Variants in TMEM74B observed in about 807,000 individuals in gnomAD.
TMEM74B encodes the protein transmembrane protein 74B, also known as transmembrane protein C20orf46.
In TMEM74B, 7 loss-of-function variants were observed where a neutral mutation model predicts 6.5. The ratio of observed to expected loss-of-function variants is 1.07; its 90% confidence interval spans 0.61 to 2.01. The LOEUF is 2.01. Ranked by LOEUF, TMEM74B falls within the 30% of genes most tolerant of loss-of-function variation. The probability of loss-of-function intolerance (pLI) is 0.00; values close to 1 mark genes in which losing one functional copy is unlikely to be tolerated. For synonymous variants in TMEM74B, 151 were observed against 151.6 expected (o/e 1.00, Z 0.03); for missense variants, 342 against 337.0 (o/e 1.01, Z -0.12).
In TMEM74B at chr20:1,181,511, C is replaced by T. The variant is rs780771805; in HGVS notation, c.108G>A (p.Leu36=). The T allele has an allele frequency of 4.7e-6, 7 of 1,501,224 alleles. No individual in the cohort carries two copies. The South Asian group carries it at 6.9e-5, about 15-fold the overall frequency. 93.0% of individuals were successfully genotyped at this position (1,501,224 alleles called of 1,614,324 possible). A position where few individuals can be genotyped will look rare whatever the true frequency, so the allele number is the denominator to read the frequency against. ...TCCTTGGGGCTTGGGGACCATTGCT[C>T]AGTGTCTTCAGTTCCAGACCAGGGG... is the stretch of plus-strand genomic sequence containing the variant. ...ASPPGLELKT[L]SNGPQAPRRS... is the part of the protein sequence containing the mutation. The change falls in exon 3 of 3, where the codon CTG becomes CTA. Residue 36 remains leucine, a synonymous_variant. Coordinates refer to ENST00000429036, the MANE Select transcript of TMEM74B (RefSeq NM_001304748.2). This position sits in a 1 kb window ranked among gnomAD's most constrained non-coding sequence, Gnocchi z 4.9.
At chr20:1,188,635 C>G (rs1422956996), upstream of TMEM74B, among the ~76,000 whole-genome samples, 1 of 147,582 alleles carries the variant, frequency 6.8e-6, no homozygotes, top group Non-Finnish European at 1.5e-5. Flanking sequence ...CACACATACA[C>G]TACCTACACA....
intron 2 of TMEM74B, among the ~76,000 whole-genome samples, chr20:1,183,159 G>C (rs1386975161): frequency 6.6e-6 from 1 of 152,176 alleles, no homozygotes; most frequent in Non-Finnish European, 1.5e-5. Flanking sequence ...ACAAGCCATG[G>C]GCTACAGAGA....
In TMEM74B at chr20:1,180,923, C is replaced by T. The variant is rs199693313; in HGVS notation, c.696G>A (p.Gly232=). The part of the protein sequence containing the change: ...SINLRMRQLN[G]DGGQALVENE... Reference sequence around the variant, plus strand: ...TCTCCACCAGGGCCTGGCCCCCATCCCCATTGAGCTGTCTCATGCGCAGGT... The same window carrying T: ...TCTCCACCAGGGCCTGGCCCCCATCTCCATTGAGCTGTCTCATGCGCAGGT... The change falls in exon 3 of 3, where the codon GGG becomes GGA. Residue 232 remains glycine, a synonymous_variant. Transcript: ENST00000429036. The surrounding 1 kb of genome is among the most constrained non-coding windows in gnomAD (Gnocchi z 6.1). 21 of 1,613,668 alleles carry T rather than the reference C, an allele frequency of 1.3e-5. No individual in the cohort carries two copies. Among genetic ancestry groups the T allele is most frequent in the Non-Finnish European group, 1.8e-5 (21 of 1,179,772 alleles).
In TMEM74B at chr20:1,181,207, C is replaced by A. The variant is rs745849810; in HGVS notation, c.412G>T (p.Val138Leu). Residue 138 changes from valine (V) to leucine (L), a missense_variant, in exon 3 of 3, where the codon GTG (valine) becomes TTG (leucine). Coordinates refer to ENST00000429036, the MANE Select transcript of TMEM74B (RefSeq NM_001304748.2). This position sits in a 1 kb window ranked among gnomAD's most constrained non-coding sequence, Gnocchi z 4.9. The part of the protein sequence containing the change: ...VFLVSGILLV[V>L]TAYAIPREAR... ...TCACGGGGGATGGCGTATGCTGTCA[C>A]CACCAGAAGAATCCCACTCACCAGG... is the stretch of plus-strand genomic sequence containing the variant. 4 of 1,614,166 alleles carry A rather than the reference C, an allele frequency of 2.5e-6. No homozygotes were observed. In the South Asian group the frequency reaches 4.4e-5, roughly 18 times the overall value.
rs1208320540 is a variant in TMEM74B at position 1,181,856 on chromosome 20, T to C, written c.32-269A>G. On this transcript the variant is annotated intron_variant, in intron 2 of 2. Coordinates refer to ENST00000429036, the MANE Select transcript of TMEM74B (RefSeq NM_001304748.2). The surrounding 1 kb of genome is among the most constrained non-coding windows in gnomAD (Gnocchi z 4.9). ...TTCCCCACCTATAAAATAATACTAC[T>C]ACTACCCTCTAGTTCGCAAAGCTGG... 6.6e-6 allele frequency among the ~76,000 whole-genome samples: 1 copy of C among 152,166 alleles called. No homozygotes were observed. Among genetic ancestry groups the C allele is most frequent in the Non-Finnish European group, 1.5e-5 (1 of 68,034 alleles).
In TMEM74B at chr20:1,181,652, C is replaced by G; in HGVS notation, c.32-65G>C. 3 of 1,420,140 alleles carry G rather than the reference C, an allele frequency of 2.1e-6. No individual in the cohort carries two copies. Among genetic ancestry groups the G allele is most frequent in the Non-Finnish European group, 2.7e-6 (3 of 1,093,392 alleles). 88.0% of individuals were successfully genotyped at this position (1,420,140 alleles called of 1,614,324 possible). On this transcript the variant is annotated intron_variant, in intron 2 of 2. Coordinates refer to ENST00000429036, the MANE Select transcript of TMEM74B (RefSeq NM_001304748.2). This position sits in a 1 kb window ranked among gnomAD's most constrained non-coding sequence, Gnocchi z 4.9. Reference sequence around the variant, plus strand: ...TCTCCCTGTTGTGGAGGACATCATACCAGTCCCTAAGCACATGAAGGTGAG... The same window carrying G: ...TCTCCCTGTTGTGGAGGACATCATAGCAGTCCCTAAGCACATGAAGGTGAG...
chr20:1,183,234 C>A (rs551495625), intron 2 of TMEM74B, among the ~76,000 whole-genome samples: 1 of 152,078 alleles, frequency 6.6e-6, no homozygotes. Flanking sequence ...CACACACACA[C>A]GATTCTCTGC....
upstream of TMEM74B, among the ~76,000 whole-genome samples, chr20:1,185,752 G>A (rs966956545): frequency 7.9e-5 from 12 of 151,974 alleles, no homozygotes; most frequent in Non-Finnish European, 1.8e-4. Flanking sequence ...CACCACCGGA[G>A]AGCCCCTATT....
At chr20:1,185,908 G>A (rs1218522187), upstream of TMEM74B, among the ~76,000 whole-genome samples, 3 of 151,388 alleles carry the variant, frequency 2.0e-5, no homozygotes, top group Admixed American at 6.6e-5. Context: ...GGGCGCTTGC[G>A]GCTCCGTGGC....
At chr20:1,188,447 CCA>C (rs1286380223), upstream of TMEM74B, among the ~76,000 whole-genome samples, 2 of 147,166 alleles carry the variant, frequency 1.4e-5, no homozygotes, top group Non-Finnish European at 1.5e-5. Context: ...CACACACATG[CCA>C]CACACACTCT....
upstream of TMEM74B, among the ~76,000 whole-genome samples, chr20:1,188,710 GAGTTCCCA>G: frequency 6.6e-6 from 1 of 152,198 alleles, no homozygotes; most frequent in Non-Finnish European, 1.5e-5. Context: ...CTAACTGAAA[GAGTTCCCA>G]ATGGCCAAAG....
In TMEM74B at chr20:1,181,937, G is replaced by A. The variant is rs768142826; in HGVS notation, c.32-350C>T. 6.6e-6 allele frequency among the ~76,000 whole-genome samples: 1 copy of A among 152,204 alleles called. No individual in the cohort carries two copies. The highest frequency in any genetic ancestry group is 1.5e-5 in the Non-Finnish European group (1 of 68,048). On this transcript the variant is annotated intron_variant, in intron 2 of 2. Coordinates refer to ENST00000429036, the MANE Select transcript of TMEM74B (RefSeq NM_001304748.2). This position sits in a 1 kb window ranked among gnomAD's most constrained non-coding sequence, Gnocchi z 4.9. ...TCAGAACACTAAGTGCTCAAAGTTA[G>A]CGATGAGTTCCTATTATACTGGAGG...
chr20:1,183,219 A>G (rs1186154022), intron 2 of TMEM74B, among the ~76,000 whole-genome samples: 1 of 152,192 alleles, frequency 6.6e-6, no homozygotes, highest in Non-Finnish European at 1.5e-5. Flanking sequence ...ACGCACACAT[A>G]CATGCACACA....
Position 1,181,160 on chromosome 20 carries a change from T to C in TMEM74B, c.459A>G (p.Thr153=), listed in dbSNP as rs539176606. The C allele has an allele frequency of 1.2e-6, 2 of 1,614,134 alleles. No individual in the cohort carries two copies. Among genetic ancestry groups the C allele is most frequent in the Non-Finnish European group, 8.5e-7 (1 of 1,180,022 alleles). ...GTCGTTCCATCTCCCGCGCTGTCAC[T>C]GTGTCCGGATTGACTCGAGCCTCAC... ...IPREARVNPD[T]VTAREMERLE... Residue 153 remains threonine (T), a synonymous_variant, in exon 3 of 3, where the codon ACA becomes ACG. Transcript: ENST00000429036. The surrounding 1 kb of genome is among the most constrained non-coding windows in gnomAD (Gnocchi z 4.9).
Position 1,181,938 on chromosome 20 carries a change from C to T in TMEM74B, c.32-351G>A, listed in dbSNP as rs141719748. On this transcript the variant is annotated intron_variant, in intron 2 of 2. Coordinates refer to ENST00000429036, the MANE Select transcript of TMEM74B (RefSeq NM_001304748.2). The surrounding 1 kb of genome is among the most constrained non-coding windows in gnomAD (Gnocchi z 4.9). The stretch of plus-strand genomic sequence containing the variant: ...CAGAACACTAAGTGCTCAAAGTTAG[C>T]GATGAGTTCCTATTATACTGGAGGG... 2.0e-3 allele frequency among the ~76,000 whole-genome samples: 303 copies of T among 152,254 alleles called. 2 individuals are homozygous for T. The highest frequency in any genetic ancestry group is 6.6e-3 in the African/African-American group (275 of 41,532).
intron 2 of TMEM74B, among the ~76,000 whole-genome samples, chr20:1,183,316 T>TG (rs2086926889): frequency 4.2e-5 from 4 of 95,576 alleles, no homozygotes; most frequent in South Asian, 6.7e-4. Flanking sequence ...GTGTGTGTGT[T>TG]TGTGTGTGTG....
At chr20:1,182,532 G>A (rs2086899215) in intron 2 of TMEM74B, among the ~76,000 whole-genome samples, 2 of 152,134 alleles carry the variant, frequency 1.3e-5, no homozygotes, top group South Asian at 4.1e-4. Flanking sequence ...GGTTGGGGAT[G>A]GCATGGCTAA....
rs1163290056 is a variant in TMEM74B at position 1,183,954 on chromosome 20, C to T, written c.-147-6G>A. On this transcript the variant is annotated splice_region_variant and splice_polypyrimidine_tract_variant and intron_variant, in intron 1 of 2. Transcript: ENST00000429036. Reference sequence around the variant, plus strand: ...CTGCGCCCAGACTGCTTTTACTTTCCAGTGAATAGACAGAAAAAAGAGATG... The same window carrying T: ...CTGCGCCCAGACTGCTTTTACTTTCTAGTGAATAGACAGAAAAAAGAGATG... 5.3e-6 allele frequency: 4 copies of T among 749,228 alleles called. No individual in the cohort carries two copies. Among genetic ancestry groups the T allele is most frequent in the African/African-American group, 1.8e-5 (1 of 56,662 alleles). 46.4% of individuals were successfully genotyped at this position (749,228 alleles called of 1,614,324 possible). A position where few individuals can be genotyped will look rare whatever the true frequency, so the allele number is the denominator to read the frequency against.
chr20:1,187,214 C>A (rs2087033238), upstream of TMEM74B, among the ~76,000 whole-genome samples: 1 of 152,214 alleles, frequency 6.6e-6, no homozygotes, highest in African/African-American at 2.4e-5. Context: ...GCACTCTTTA[C>A]TCCCTCACTC....
Sources: allele counts gnomAD v4.1 joint callset (sites outside exome capture counted in the v4.1 genomes callset), GRCh38; gene constraint gnomAD v4.1.1; non-coding constraint Gnocchi (gnomAD v3.1); transcripts MANE v1.5; gene names NCBI Gene and HGNC (gene_info 2026-07-23, HGNC 2026-07-21).